The following B3GALT1 variants were observed in gnomAD, a reference collection of about 807,000 sequenced individuals.
B3GALT1 encodes the protein beta-1,3-galactosyltransferase 1.
Under a neutral mutation model 23.2 loss-of-function variants are expected in B3GALT1, and 10 were observed. The ratio of observed to expected loss-of-function variants is 0.43; its 90% CI spans 0.27 to 0.73. B3GALT1 has a LOEUF of 0.73. Among genes scored for constraint, B3GALT1 ranks in the 30% least tolerant of loss-of-function variants. The pLI is 0.21. For synonymous variants in B3GALT1, 156 were observed against 141.5 expected (o/e 1.10, Z -0.73); for missense variants, 299 against 405.4 (o/e 0.74, Z 2.25).
intron 1 of B3GALT1, among the ~76,000 whole-genome samples, chr2:167,385,942 C>G (rs1276546116): frequency 6.6e-6 from 1 of 152,158 alleles, no homozygotes; most frequent in African/African-American, 2.4e-5. Context: ...TATAAACTTT[C>G]ATTTATATTC....
Position 167,379,779 on chromosome 2 carries a change from G to A in B3GALT1, c.-511+86445G>A, listed in dbSNP as rs115126808. 7.1e-3 allele frequency among the ~76,000 whole-genome samples: 1,087 copies of A among 152,352 alleles called. 13 individuals are homozygous for A. The highest frequency in any genetic ancestry group is 0.034 in the South Asian group (166 of 4,828). On this transcript the variant is annotated intron_variant, in intron 1 of 4. Coordinates refer to ENST00000392690, the MANE Select transcript of B3GALT1 (RefSeq NM_020981.4). Reference sequence around the variant, plus strand: ...AGGTCCACCTATAGGTCCCCCAGTGGTAGGCACTGGCACCAGTGCCAAGGT... The same window carrying A: ...AGGTCCACCTATAGGTCCCCCAGTGATAGGCACTGGCACCAGTGCCAAGGT...
intron 3 of B3GALT1, among the ~76,000 whole-genome samples, chr2:167,749,167 C>T (rs1328413115): frequency 6.6e-6 from 1 of 152,210 alleles, no homozygotes; most frequent in Non-Finnish European, 1.5e-5. Flanking sequence ...TCCTTTGCTT[C>T]ACAACCTTTT....
At chr2:167,838,880 A>G (rs1265665279) in intron 4 of B3GALT1, among the ~76,000 whole-genome samples, 1 of 152,236 alleles carries the variant, frequency 6.6e-6, no homozygotes, top group Non-Finnish European at 1.5e-5. Flanking sequence ...AATATACGCA[A>G]ATCAATATAT....
chr2:167,858,324 T>TTTTTTTTTTTTTTTTA, intron 4 of B3GALT1, among the ~76,000 whole-genome samples: 7 of 151,062 alleles, frequency 4.6e-5, no homozygotes, highest in African/African-American at 1.7e-4. Context: ...TTTTTGTTTT[T>TTTTTTTTTTTTTTTTA]CTTTTGAACA....
At chr2:167,305,847 C>T (rs1001138712) in intron 1 of B3GALT1, among the ~76,000 whole-genome samples, 1 of 151,988 alleles carries the variant, frequency 6.6e-6, no homozygotes, top group African/African-American at 2.4e-5. Flanking sequence ...CTTTGCCATC[C>T]TGCGGTCTAC....
intron 1 of B3GALT1, among the ~76,000 whole-genome samples, chr2:167,351,560 G>A (rs2105255683): frequency 6.6e-6 from 1 of 152,234 alleles, no homozygotes; most frequent in South Asian, 2.1e-4. Flanking sequence ...ATGTGGTGTA[G>A]CAAAGCAACT....
chr2:167,687,352 A>G (rs752772845), intron 3 of B3GALT1, among the ~76,000 whole-genome samples: 35 of 152,336 alleles, frequency 2.3e-4, no homozygotes, highest in South Asian at 1.0e-3. Flanking sequence ...CAGCGAACAT[A>G]TTTAAGTGAA....
chr2:167,352,444 G>A (rs1011804989), intron 1 of B3GALT1, among the ~76,000 whole-genome samples: 5 of 151,438 alleles, frequency 3.3e-5, no homozygotes, highest in Admixed American at 1.3e-4. Context: ...AACTGTAGCC[G>A]GGGGCAGTGG....
intron 3 of B3GALT1, among the ~76,000 whole-genome samples, chr2:167,784,904 T>C (rs1473857049): frequency 6.6e-6 from 1 of 152,164 alleles, no homozygotes; most frequent in Non-Finnish European, 1.5e-5. Flanking sequence ...TAATTTAAGG[T>C]GGTCTTTTTT....
In B3GALT1 at chr2:167,835,113, C is replaced by T. The variant is rs555596999; in HGVS notation, c.-230+16320C>T. Reference sequence around the variant, plus strand: ...CTCCCAGCATGAGCGACGCAGAAGACGGGTGATTTCTGCATTTCCATCTGA... The same window carrying T: ...CTCCCAGCATGAGCGACGCAGAAGATGGGTGATTTCTGCATTTCCATCTGA... On this transcript the variant is annotated intron_variant, in intron 4 of 4. Transcript: ENST00000392690. Among the ~76,000 whole-genome samples the T allele has an allele frequency of 5.5e-4, 83 of 152,238 alleles. 1 individual carries two copies. The highest frequency in any genetic ancestry group is 7.9e-4 in the Non-Finnish European group (54 of 68,002).
Position 167,870,958 on chromosome 2 carries a change from A to C in B3GALT1, c.*938A>C, listed in dbSNP as rs1008866445. 3 of 166,350 alleles carry C rather than the reference A, an allele frequency of 1.8e-5. No individual in the cohort carries two copies. Among genetic ancestry groups the C allele is most frequent in the African/African-American group, 7.2e-5 (3 of 41,466 alleles). 10.3% of individuals were successfully genotyped at this position (166,350 alleles called of 1,614,324 possible). ...TATGCATTATAATTAACATAAGCTT[A>C]GCAATAGTATAAGATGCCCCCACAC... On this transcript the variant is annotated 3_prime_UTR_variant, in exon 5 of 5. Transcript: ENST00000392690.
intron 1 of B3GALT1, among the ~76,000 whole-genome samples, chr2:167,339,423 G>A (rs1207126507): frequency 2.1e-5 from 3 of 145,692 alleles, no homozygotes; most frequent in East Asian, 2.1e-4. Context: ...GGATGTGGGG[G>A]GATGTAGGGA....
intron 2 of B3GALT1, among the ~76,000 whole-genome samples, chr2:167,612,818 A>G (rs929685780): frequency 1.3e-5 from 2 of 151,988 alleles, no homozygotes; most frequent in Non-Finnish European, 2.9e-5. Context: ...AGCTTGAGCA[A>G]TTCTAAACCT....
intron 3 of B3GALT1, among the ~76,000 whole-genome samples, chr2:167,660,089 G>A (rs907161189): frequency 3.3e-5 from 5 of 152,002 alleles, no homozygotes; most frequent in African/African-American, 7.2e-5. Flanking sequence ...TTGTAAACTA[G>A]GTGACATTTC....
rs796649898 is a variant in B3GALT1, at chr2:167,774,472, GT to G, written c.-351-44188del. Among the ~76,000 whole-genome samples the G allele has an allele frequency of 7.7e-3, 862 of 111,934 alleles. 14 individuals carry two copies. Among genetic ancestry groups the G allele is most frequent in the South Asian group, 0.049 (160 of 3,280 alleles). The allele number at this position is 111,934 out of a possible 152,430, so 73.4% of individuals were successfully genotyped here. The stretch of plus-strand genomic sequence containing the variant: ...TTCTGTAGTTTTTCTGTGTTTATTG[GT>G]TTTTTTTTTTTGTTTTTTTTTTTGT... On this transcript the variant is annotated intron_variant, in intron 3 of 4. Coordinates refer to ENST00000392690, the MANE Select transcript of B3GALT1 (RefSeq NM_020981.4).
chr2:167,303,912 T>C (rs1022206554), intron 1 of B3GALT1, among the ~76,000 whole-genome samples: 1 of 152,152 alleles, frequency 6.6e-6, no homozygotes, highest in African/African-American at 2.4e-5. Context: ...GAGAGGCTGC[T>C]TCTACTGGAG....
chr2:167,384,306 G>A (rs1052846438), intron 1 of B3GALT1, among the ~76,000 whole-genome samples: 3 of 152,112 alleles, frequency 2.0e-5, no homozygotes, highest in African/African-American at 4.8e-5. Context: ...TCCTCCCTGG[G>A]TGGTACAGAT....
At chr2:167,613,683 G>A (rs1392892968) in intron 2 of B3GALT1, among the ~76,000 whole-genome samples, 1 of 151,674 alleles carries the variant, frequency 6.6e-6, no homozygotes, top group Admixed American at 6.6e-5. Flanking sequence ...CCAGATTTCT[G>A]TGCTTTATCT....
chr2:167,641,105 G>A (rs1292144020), intron 2 of B3GALT1, among the ~76,000 whole-genome samples: 1 of 152,068 alleles, frequency 6.6e-6, no homozygotes, highest in African/African-American at 2.4e-5. Context: ...AAAATATAGA[G>A]GTTAAGAAAT....
Sources: gnomAD v4.1 joint callset for allele counts (sites outside exome capture counted in the v4.1 genomes callset) on GRCh38, gnomAD v4.1.1 for gene constraint, MANE v1.5 for transcripts, NCBI Gene and HGNC (gene_info 2026-07-23, HGNC 2026-07-21) for gene names.